Variants in TCERG1L observed in about 807,000 individuals in gnomAD.
TCERG1L encodes the protein transcription elongation regulator 1 like.
In TCERG1L, 37 loss-of-function variants were observed where a neutral mutation model predicts 56.3. That is an observed-to-expected ratio of 0.66 (90% CI 0.51 to 0.87). TCERG1L has a LOEUF of 0.87. Ranked by LOEUF, TCERG1L falls within the 40% of genes least tolerant of loss-of-function variation. The pLI is 0.00. For synonymous variants in TCERG1L, 324 were observed against 326.3 expected, an observed-to-expected ratio of 0.99 and a Z score of 0.08; for missense variants, 799 against 774.2, an observed-to-expected ratio of 1.03 and a Z score of -0.38.
chr10:131,121,169 G>A (rs548357137), intron 8 of TCERG1L, among the ~76,000 whole-genome samples: 1 of 152,302 alleles, frequency 6.6e-6, no homozygotes, highest in East Asian at 1.9e-4. Context: ...CATAGACGCT[G>A]ACACAGGTTG....
intron 4 of TCERG1L, among the ~76,000 whole-genome samples, chr10:131,230,591 CG>C (rs1564821239): frequency 6.6e-6 from 1 of 152,216 alleles, no homozygotes; most frequent in East Asian, 1.9e-4. Flanking sequence ...TGAGTCAAAT[CG>C]TATCTCAGCT....
chr10:131,098,177 C>T, intron 11 of TCERG1L, 129 bp downstream of exon 11: 1 of 1,021,740 alleles, frequency 9.8e-7, no homozygotes, highest in Non-Finnish European at 1.4e-6. Context: ...GGCAGGTCTT[C>T]AAAGCTCACA....
Position 131,146,635 on chromosome 10 carries a change from G to A in TCERG1L, c.1060C>T (p.Arg354Ter), listed in dbSNP as rs776171772. The A allele has an allele frequency of 6.2e-7, 1 of 1,613,516 alleles. No individual in the cohort carries two copies. Among genetic ancestry groups the A allele is most frequent in the Non-Finnish European group, 8.5e-7 (1 of 1,179,664 alleles). ...PWCVVWTGDD[R>*]VFFFNPTMHL... ...ATCGTTGGGTTGAAGAAGAAAACTCGGTCATCGCCCGTCCAGACCACACAC... is the reference window on the plus strand; with the variant it reads ...ATCGTTGGGTTGAAGAAGAAAACTCAGTCATCGCCCGTCCAGACCACACAC... Residue 354 changes from arginine to a stop codon, truncating the protein, a stop_gained, in exon 7 of 12, where the codon CGA (arginine) becomes TGA (stop). Coordinates refer to ENST00000368642, the MANE Select transcript of TCERG1L (RefSeq NM_174937.4). LOFTEE classifies it high-confidence loss of function.
chr10:131,143,093 C>T (rs1845755909), intron 7 of TCERG1L, among the ~76,000 whole-genome samples: 2 of 152,208 alleles, frequency 1.3e-5, no homozygotes, highest in Non-Finnish European at 1.5e-5. Flanking sequence ...GGCCTCTGCT[C>T]GACGTCTGCC....
At chr10:131,238,134 C>A (rs991760709) in intron 4 of TCERG1L, among the ~76,000 whole-genome samples, 1 of 152,188 alleles carries the variant, frequency 6.6e-6, no homozygotes, top group Non-Finnish European at 1.5e-5. Flanking sequence ...TAGACCCCGC[C>A]CCTGTTCCAG....
rs376516540 is a variant in TCERG1L at position 131,253,661 on chromosome 10, C to T, written c.856+6598G>A. Among the ~76,000 whole-genome samples, 6 of 152,112 alleles carry T rather than the reference C, an allele frequency of 3.9e-5. No individual in the cohort carries two copies. The South Asian group carries it at 6.2e-4, about 16-fold the overall frequency. On this transcript the variant is annotated intron_variant, in intron 4 of 11. Coordinates refer to ENST00000368642, the MANE Select transcript of TCERG1L (RefSeq NM_174937.4). ...TGGGTGGGTGTGCGATGAAGGTCTG[C>T]GGAGTAGGGCAGCCATCTCTGCACC...
intron 6 of TCERG1L, among the ~76,000 whole-genome samples, chr10:131,149,345 C>A (rs1845838641): frequency 8.9e-6 from 1 of 112,076 alleles, no homozygotes; most frequent in African/African-American, 2.6e-5. Context: ...TTCCTGCTCT[C>A]AGATCAGGCA....
intron 4 of TCERG1L, among the ~76,000 whole-genome samples, chr10:131,183,274 G>C: frequency 6.6e-6 from 1 of 152,084 alleles, no homozygotes; most frequent in East Asian, 1.9e-4. Context: ...CTATTTCTTT[G>C]TTTTTGCTTT....
chr10:131,123,758 G>A (rs936579307), intron 8 of TCERG1L, among the ~76,000 whole-genome samples: 1 of 152,170 alleles, frequency 6.6e-6, no homozygotes, highest in Non-Finnish European at 1.5e-5. Flanking sequence ...CACCCGGGGA[G>A]CCAGGGTGAG....
chr10:131,277,577 T>TCCAGCAGACGGCCCTGC (rs1366480962), intron 3 of TCERG1L, among the ~76,000 whole-genome samples: 1 of 152,188 alleles, frequency 6.6e-6, no homozygotes, highest in Non-Finnish European at 1.5e-5. Flanking sequence ...GCAGGCACTG[T>TCCAGCAGACGGCCCTGC]CCAGCAGACG....
At chr10:131,155,418 C>T (rs901057168) in intron 6 of TCERG1L, among the ~76,000 whole-genome samples, 1 of 152,246 alleles carries the variant, frequency 6.6e-6, no homozygotes, top group Non-Finnish European at 1.5e-5. Context: ...AGACACAAGT[C>T]CCCGGAGGCT....
intron 3 of TCERG1L, among the ~76,000 whole-genome samples, chr10:131,284,078 A>G (rs898490667): frequency 1.3e-5 from 2 of 151,402 alleles, no homozygotes; most frequent in African/African-American, 4.9e-5. Flanking sequence ...GTGAGCCAAG[A>G]TCGAACTACT....
intron 9 of TCERG1L, among the ~76,000 whole-genome samples, chr10:131,115,804 A>T (rs953919752): frequency 6.6e-6 from 1 of 152,192 alleles, no homozygotes; most frequent in African/African-American, 2.4e-5. Context: ...CCCAAGGCTT[A>T]ACCCAGACCC....
intron 4 of TCERG1L, among the ~76,000 whole-genome samples, chr10:131,185,559 G>A (rs534797728): frequency 5.3e-5 from 8 of 152,028 alleles, no homozygotes; most frequent in South Asian, 2.1e-4. Flanking sequence ...ACAAACCACC[G>A]AATTTGAAAA....
At chr10:131,290,404 G>A (rs1056792299) in intron 3 of TCERG1L, among the ~76,000 whole-genome samples, 3 of 152,226 alleles carry the variant, frequency 2.0e-5, no homozygotes, top group Admixed American at 2.0e-4. Context: ...GGCTGAGGCG[G>A]GCAGATCACC....
intron 3 of TCERG1L, among the ~76,000 whole-genome samples, chr10:131,275,457 G>A (rs781435454): frequency 1.3e-5 from 2 of 152,204 alleles, no homozygotes; most frequent in Non-Finnish European, 2.9e-5. Context: ...GTGATTTCAT[G>A]TAATTTGTTG....
In TCERG1L at chr10:131,267,013, CG is replaced by C. The variant is rs1218785240; in HGVS notation, c.671-6570del. ...TACTCCAGTCCAGAGGACTGGCAAC[CG>C]GCCCCCAGCCTTCAGGTCCTCCCTG... On this transcript the variant is annotated intron_variant, in intron 3 of 11. Coordinates refer to ENST00000368642, the MANE Select transcript of TCERG1L (RefSeq NM_174937.4). This position sits in a 1 kb window ranked among gnomAD's most constrained non-coding sequence, Gnocchi z 4.9. Among the ~76,000 whole-genome samples the C allele has an allele frequency of 2.0e-5, 3 of 152,034 alleles. No homozygotes were observed. The highest frequency in any genetic ancestry group is 4.4e-5 in the Non-Finnish European group (3 of 67,982).
intron 6 of TCERG1L, among the ~76,000 whole-genome samples, chr10:131,159,764 C>T (rs982144650): frequency 3.9e-5 from 6 of 152,120 alleles, no homozygotes; most frequent in East Asian, 1.9e-4. Context: ...CCCAGGCCTG[C>T]GTGCATCATG....
intron 4 of TCERG1L, among the ~76,000 whole-genome samples, chr10:131,198,793 C>T (rs112516456): frequency 1 from 152,308 of 152,310 alleles, 76,153 homozygotes; most frequent in Middle Eastern, 1. Flanking sequence ...GCAGATGGGG[C>T]CCCGAGCCTC....
Sources: allele counts gnomAD v4.1 joint callset (sites outside exome capture counted in the v4.1 genomes callset), GRCh38; gene constraint gnomAD v4.1.1; non-coding constraint Gnocchi (gnomAD v3.1); transcripts MANE v1.5; gene names NCBI Gene and HGNC (gene_info 2026-07-23, HGNC 2026-07-21).